ANKS1B: variants seen among roughly 807,000 people sequenced by gnomAD.
ANKS1B encodes ankyrin repeat and sterile alpha motif domain containing 1B.
ANKS1B carries 36 observed loss-of-function variants against 148.3 expected under a neutral mutation model. The ratio of observed to expected loss-of-function variants is 0.24; its 90% CI spans 0.19 to 0.32. The LOEUF (loss-of-function observed/expected upper bound fraction) is 0.32, where lower values mean the gene tolerates loss of function less well. ANKS1B is among the 10% of genes least tolerant of loss of function. ANKS1B has a pLI of 1.00. For missense variants in ANKS1B, 1,157 were observed against 1,542.6 expected, an observed-to-expected ratio of 0.75 and a Z score of 4.19; for synonymous variants, 542 against 560.8, an observed-to-expected ratio of 0.97 and a Z score of 0.47.
intron 12 of ANKS1B, among the ~76,000 whole-genome samples, chr12:99,268,729 C>T (rs1233702852): frequency 2.0e-5 from 3 of 152,146 alleles, no homozygotes; most frequent in South Asian, 2.1e-4. Flanking sequence ...AATCACTTTC[C>T]TGTTTTATGC....
rs1443780142 is a variant in ANKS1B, at chr12:98,915,335, T to G, written c.2779-83199A>C. ...GACTTGATTTCAGACTTCTAAGACT[T>G]CTAGCCTCCAGAACTGTGAGACAGA... is the stretch of plus-strand genomic sequence containing the variant. On this transcript the variant is annotated intron_variant, in intron 17 of 26. Coordinates refer to ENST00000683438, the MANE Select transcript of ANKS1B (RefSeq NM_001352186.2). Among the ~76,000 whole-genome samples the G allele has an allele frequency of 4.7e-5, 7 of 150,368 alleles. No individual in the cohort carries two copies. In the East Asian group the frequency reaches 1.4e-3, roughly 29 times the overall value.
At chr12:99,189,631 C>T (rs199994606) in intron 14 of ANKS1B, among the ~76,000 whole-genome samples, 2 of 152,116 alleles carry the variant, frequency 1.3e-5, no homozygotes, top group Non-Finnish European at 2.9e-5. Flanking sequence ...AGGCCTTCAA[C>T]AAAATTCAAC....
chr12:99,542,568 A>C (rs774302136), intron 9 of ANKS1B, among the ~76,000 whole-genome samples: 5 of 152,104 alleles, frequency 3.3e-5, no homozygotes, highest in Non-Finnish European at 7.4e-5. Context: ...AGCTGGTTCT[A>C]ACATTTATTT....
rs148977647 is a variant in ANKS1B at position 99,897,222 on chromosome 12, A to G, written c.135-71833T>C. Among the ~76,000 whole-genome samples, 2 of 151,414 alleles carry G rather than the reference A, an allele frequency of 1.3e-5. 1 individual carries two copies. The highest frequency in any genetic ancestry group is 1.3e-4 in the Admixed American group (2 of 15,154). On this transcript the variant is annotated intron_variant, in intron 1 of 26. Transcript: ENST00000683438. Reference sequence around the variant, plus strand: ...TTTATCAAAATTGGCAGAGTAATAAAATCAGGTGAGATAAAAACTGACATG... The same window carrying G: ...TTTATCAAAATTGGCAGAGTAATAAGATCAGGTGAGATAAAAACTGACATG...
At chr12:98,895,800 TG>T (rs2099763773) in intron 17 of ANKS1B, among the ~76,000 whole-genome samples, 1 of 152,208 alleles carries the variant, frequency 6.6e-6, no homozygotes, top group East Asian at 1.9e-4. Flanking sequence ...TGTTTTTGTT[TG>T]TTTGTTTTTC....
intron 17 of ANKS1B, among the ~76,000 whole-genome samples, chr12:98,848,741 T>G (rs948645424): frequency 1.2e-4 from 11 of 88,130 alleles, no homozygotes; most frequent in South Asian, 5.1e-4. Flanking sequence ...TGTGTATGTG[T>G]GGTTTTTTTT....
chr12:99,407,357 A>T lies in ANKS1B; in HGVS notation c.1576-7546T>A, dbSNP rs867938047. On this transcript the variant is annotated intron_variant, in intron 11 of 26. Transcript: ENST00000683438. ...TTCATGATAAAAACCCACTGGGTAT[A>T]GAAGAAACAGACCTCGAATAGTAAA... Among the ~76,000 whole-genome samples the T allele has an allele frequency of 4.1e-5, 6 of 145,924 alleles. 1 individual carries two copies. The highest frequency in any genetic ancestry group is 3.5e-3 in the Middle Eastern group (1 of 288).
chr12:99,821,811 A>T (rs776442243), intron 2 of ANKS1B, among the ~76,000 whole-genome samples: 13 of 152,162 alleles, frequency 8.5e-5, no homozygotes, highest in Admixed American at 2.6e-4. Flanking sequence ...CATCAGGATT[A>T]TATTACTTGG....
At chr12:98,896,184 A>G (rs2099764342) in intron 17 of ANKS1B, among the ~76,000 whole-genome samples, 1 of 152,242 alleles carries the variant, frequency 6.6e-6, no homozygotes, top group Non-Finnish European at 1.5e-5. Context: ...TTCCAGCAGT[A>G]CTAATAATCA....
chr12:99,911,454 C>A (rs1487746993), intron 1 of ANKS1B, among the ~76,000 whole-genome samples: 4 of 152,168 alleles, frequency 2.6e-5, no homozygotes, highest in South Asian at 2.1e-4. Context: ...ACTTAAAAAT[C>A]TGAGTCTTCA....
intron 8 of ANKS1B, 48 bp from the exon 9 acceptor site, chr12:99,655,258 A>C (rs1196572380): frequency 1.4e-6 from 2 of 1,437,918 alleles, no homozygotes; most frequent in Non-Finnish European, 1.9e-6. Context: ...AATGATATTT[A>C]GATATCTTAA....
intron 1 of ANKS1B, among the ~76,000 whole-genome samples, chr12:99,851,142 GT>G (rs1402322772): frequency 5.3e-5 from 8 of 152,048 alleles, no homozygotes; most frequent in Non-Finnish European, 1.2e-4. Flanking sequence ...TGTTGCTATT[GT>G]TTTATTTAGA....
intron 1 of ANKS1B, among the ~76,000 whole-genome samples, chr12:99,923,284 T>C (rs955435918): frequency 5.9e-5 from 9 of 152,130 alleles, no homozygotes; most frequent in African/African-American, 2.2e-4. Context: ...TAAATAGAAG[T>C]TAGCTGCAAG....
chr12:99,414,803 C>A (rs923157586), intron 11 of ANKS1B, among the ~76,000 whole-genome samples: 8 of 152,218 alleles, frequency 5.3e-5, no homozygotes, highest in Non-Finnish European at 1.2e-4. Context: ...GCGCGTTCTG[C>A]ACATGTATTC....
At chr12:98,818,457 C>A (rs2099159585) in intron 19 of ANKS1B, among the ~76,000 whole-genome samples, 1 of 152,082 alleles carries the variant, frequency 6.6e-6, no homozygotes, top group Non-Finnish European at 1.5e-5. Context: ...ATGAGCATTG[C>A]CTGTACAATC....
chr12:99,586,009 T>G (rs2097634795), intron 9 of ANKS1B, among the ~76,000 whole-genome samples: 1 of 152,316 alleles, frequency 6.6e-6, no homozygotes, highest in Admixed American at 6.5e-5. Flanking sequence ...TCTCATTATT[T>G]ACCCAAATTT....
At chr12:98,870,552 G>A (rs534407753) in intron 17 of ANKS1B, among the ~76,000 whole-genome samples, 1 of 152,220 alleles carries the variant, frequency 6.6e-6, no homozygotes, top group African/African-American at 2.4e-5. Flanking sequence ...GGGCAGCAGG[G>A]AGTCCAGCTG....
intron 12 of ANKS1B, among the ~76,000 whole-genome samples, chr12:99,358,487 A>G (rs1161821799): frequency 6.6e-6 from 1 of 152,056 alleles, no homozygotes; most frequent in Non-Finnish European, 1.5e-5. Flanking sequence ...TCTACATTCT[A>G]CTGGTATCTA....
intron 8 of ANKS1B, among the ~76,000 whole-genome samples, chr12:99,734,131 C>G (rs551578236): frequency 6.6e-6 from 1 of 152,304 alleles, no homozygotes; most frequent in East Asian, 1.9e-4. Context: ...TTACATTTCT[C>G]AACTTTTTTC....
Sources: allele counts gnomAD v4.1 joint callset (sites outside exome capture counted in the v4.1 genomes callset), GRCh38; gene constraint gnomAD v4.1.1; transcripts MANE v1.5; gene names NCBI Gene and HGNC (gene_info 2026-07-23, HGNC 2026-07-21).